Variants in SEPTIN8 observed in about 807,000 individuals in gnomAD.
SEPTIN8 encodes the protein septin-8.
Under a neutral mutation model 53.1 loss-of-function variants are expected in SEPTIN8, and 22 were observed. The ratio of observed to expected loss-of-function variants is 0.41; its 90% CI spans 0.30 to 0.59. SEPTIN8 has a LOEUF of 0.59. Among genes scored for constraint, SEPTIN8 ranks in the 20% least tolerant of loss-of-function variants. The pLI is 0.24. For missense variants in SEPTIN8, 536 were observed against 638.7 expected (o/e 0.84, Z 1.73); for synonymous variants, 228 against 248.4 (o/e 0.92, Z 0.77).
chr5:132,764,048 A>T (rs1390965884), intron 3 of SEPTIN8, 156 bp from the exon 4 acceptor site: 11 of 952,502 alleles, frequency 1.2e-5, no homozygotes, highest in African/African-American at 1.7e-5. Context: ...CAGGCAGCTG[A>T]CCCCTTCTCC....
chr5:132,770,449 G>A (rs557495044), intron 1 of SEPTIN8, among the ~76,000 whole-genome samples: 2 of 152,064 alleles, frequency 1.3e-5, no homozygotes, highest in African/African-American at 4.8e-5. Context: ...CAAAGTGCTG[G>A]GATTACAGGT....
At chr5:132,774,547 C>A (rs1183024945) in intron 1 of SEPTIN8, among the ~76,000 whole-genome samples, 1 of 152,204 alleles carries the variant, frequency 6.6e-6, no homozygotes, top group African/African-American at 2.4e-5. Flanking sequence ...GGATGCCAAC[C>A]CTTACCCCAA....
intron 1 of SEPTIN8, among the ~76,000 whole-genome samples, chr5:132,767,031 C>T (rs1195181867): frequency 3.3e-5 from 5 of 152,144 alleles, no homozygotes; most frequent in Admixed American, 6.5e-5. Context: ...GTTGTACCAT[C>T]CCCTCAAACA....
At chr5:132,778,407 T>C (rs1402247463), upstream of SEPTIN8, among the ~76,000 whole-genome samples, 3 of 152,228 alleles carry the variant, frequency 2.0e-5, no homozygotes, top group Non-Finnish European at 4.4e-5. Context: ...CCCTCTCTGC[T>C]GTTTGACCTT....
Position 132,760,651 on chromosome 5 carries a change from G to T in SEPTIN8, c.1286+151C>A, listed in dbSNP as rs1427878627. On this transcript the variant is annotated intron_variant, in intron 9 of 9. Transcript: ENST00000378719. The surrounding 1 kb of genome is among the most constrained non-coding windows in gnomAD (Gnocchi z 5.2). ...AAAGAAAAAGGCAACCAAGAAAGCT[G>T]GGGGGAGAGCCACTGAAGATGAGGG... The T allele has an allele frequency of 4.1e-6, 3 of 727,442 alleles. No homozygotes were observed. The highest frequency in any genetic ancestry group is 1.8e-5 in the African/African-American group (1 of 56,412). 45.1% of individuals were successfully genotyped at this position (727,442 alleles called of 1,614,324 possible).
chr5:132,761,215 T>G lies in SEPTIN8; in HGVS notation c.1013A>C (p.Gln338Pro). The change falls in exon 8 of 10, where the codon CAG (glutamine) becomes CCG (proline). Residue 338 changes from glutamine to proline, a missense_variant. Around this residue, in one of 3 missense-constraint regions of SEPTIN8, gnomAD observed 395 missense variants for 451.8 expected, o/e 0.87. Transcript: ENST00000378719. This position sits in a 1 kb window ranked among gnomAD's most constrained non-coding sequence, Gnocchi z 5.8. ...CTGCCTCATCTCTTCCTCCTTCCTC[T>G]GCAGCTCACTTAGGAACTCCTTCCT... ...AKRKEFLSEL[Q>P]RKEEEMRQMF... 1.2e-6 allele frequency: 2 copies of G among 1,614,208 alleles called. No homozygotes were observed. Among genetic ancestry groups the G allele is most frequent in the Non-Finnish European group, 1.7e-6 (2 of 1,180,046 alleles).
rs189669329 is a variant in SEPTIN8 at position 132,768,221 on chromosome 5, G to A, written c.31-2692C>T. Among the ~76,000 whole-genome samples the A allele has an allele frequency of 7.5e-4, 114 of 152,160 alleles. 1 individual carries two copies. Among genetic ancestry groups the A allele is most frequent in the Middle Eastern group, 3.4e-3 (1 of 294 alleles). ...GTCATCATCCCTAAGTTGTTACCCA[G>A]GCTACACTCTGTTATCGCAGGGGCC... On this transcript the variant is annotated intron_variant, in intron 1 of 9. Transcript: ENST00000378719.
At chr5:132,772,911 G>A (rs1413526642) in intron 1 of SEPTIN8, among the ~76,000 whole-genome samples, 1 of 152,152 alleles carries the variant, frequency 6.6e-6, no homozygotes, top group Non-Finnish European at 1.5e-5. Flanking sequence ...CCACCTGCCA[G>A]CAGACATGGG....
chr5:132,769,311 T>C (rs944726837), intron 1 of SEPTIN8, among the ~76,000 whole-genome samples: 2 of 152,228 alleles, frequency 1.3e-5, no homozygotes, highest in African/African-American at 4.8e-5. Flanking sequence ...TTGCCTCCCC[T>C]GTTCTTAGCA....
intron 2 of SEPTIN8, 95 bp from the exon 3 acceptor site, chr5:132,764,514 C>G: frequency 9.9e-7 from 1 of 1,014,408 alleles, no homozygotes; most frequent in Non-Finnish European, 1.4e-6. Flanking sequence ...GCTCAGGCAT[C>G]CATGGCCCCT....
At position 132,762,519 on chromosome 5, in the gene SEPTIN8, C is replaced by T. The variant is rs755410905; in HGVS notation, c.661G>A (p.Asp221Asn). 6.2e-7 allele frequency: 1 copy of T among 1,614,268 alleles called. No individual in the cohort carries two copies. The change falls in exon 5 of 10, where the codon GAT becomes AAT. Residue 221 changes from aspartate (D) to asparagine (N), a missense_variant. Around this residue, in one of 3 missense-constraint regions of SEPTIN8, gnomAD observed 395 missense variants for 451.8 expected, o/e 0.87. Coordinates refer to ENST00000378719, the MANE Select transcript of SEPTIN8 (RefSeq NM_001098811.2). ...GVQIYQFPTD[D>N]EAVAEINAVM... ...GCGTTAATCTCTGCAACAGCCTCAT[C>T]ATCCGTGGGGAACTGGTAGATCTGG...
upstream of SEPTIN8, among the ~76,000 whole-genome samples, chr5:132,779,806 A>G (rs1758014803): frequency 6.6e-6 from 1 of 152,192 alleles, no homozygotes; most frequent in Non-Finnish European, 1.5e-5. Flanking sequence ...GTGTATGCCA[A>G]ACCAGTTGTT....
Position 132,752,159 on chromosome 5 carries a change from G to A in SEPTIN8, c.1309C>T (p.Gln437Ter). ...KKNRSDIGAH[Q>*]PGMSLSSSKV... ...GAGCTGGAGAGGCTCATGCCCGGCT[G>A]GTGTGCTCCTATATCTGATCTGCTA... is the stretch of plus-strand genomic sequence containing the variant. Residue 437 changes from glutamine to a stop codon, truncating the protein, a stop_gained, in exon 10 of 10, where the codon CAG (glutamine) becomes TAG (stop). Transcript: ENST00000378719. LOFTEE classifies it high-confidence loss of function. 1.3e-6 allele frequency: 2 copies of A among 1,590,520 alleles called. No individual in the cohort carries two copies. The highest frequency in any genetic ancestry group is 8.6e-7 in the Non-Finnish European group (1 of 1,167,376).
chr5:132,778,377 C>T (rs966454151), upstream of SEPTIN8, among the ~76,000 whole-genome samples: 8 of 152,142 alleles, frequency 5.3e-5, no homozygotes, highest in East Asian at 1.3e-3. Flanking sequence ...CGACTTAGCA[C>T]ACCTGGCTTA....
chr5:132,765,626 C>T, intron 1 of SEPTIN8, 97 bp from the exon 2 acceptor site: 1 of 1,377,718 alleles, frequency 7.3e-7, no homozygotes, highest in Admixed American at 2.3e-5. Flanking sequence ...AGTGAAGCAG[C>T]CCCACCCGAT....
At position 132,761,900 on chromosome 5, in the gene SEPTIN8, G is replaced by GA; in HGVS notation, c.697-5dup. The GA allele has an allele frequency of 6.3e-7, 1 of 1,581,894 alleles. No homozygotes were observed. Among genetic ancestry groups the GA allele is most frequent in the Admixed American group, 1.8e-5 (1 of 55,360 alleles). ...CCACGGCAAAGGGCAGATGTGCCTG[G>GA]AAAGGGGCCCGGGTATGCGTAAGCC... On this transcript the variant is annotated splice_region_variant and splice_polypyrimidine_tract_variant and intron_variant, in intron 5 of 9. Coordinates refer to ENST00000378719, the MANE Select transcript of SEPTIN8 (RefSeq NM_001098811.2). The surrounding 1 kb of genome is among the most constrained non-coding windows in gnomAD (Gnocchi z 5.8).
chr5:132,757,728 C>T, intron 9 of SEPTIN8: 6 of 985,424 alleles, frequency 6.1e-6, no homozygotes, highest in Non-Finnish European at 7.2e-6. Flanking sequence ...GGCTTGTAAA[C>T]CAACAGGAGC....
intron 9 of SEPTIN8, chr5:132,758,153 G>A (rs1755517178): frequency 9.6e-7 from 1 of 1,040,300 alleles, no homozygotes; most frequent in African/African-American, 1.7e-5. Flanking sequence ...TGTCATTACA[G>A]GAAGTTTATT....
At chr5:132,774,132 G>C (rs1397255318) in intron 1 of SEPTIN8, 2 of 166,596 alleles carry the variant, frequency 1.2e-5, no homozygotes, top group African/African-American at 4.8e-5. Context: ...TGCTTCAGGA[G>C]GGACTAGGTA....
Sources: allele counts gnomAD v4.1 joint callset (sites outside exome capture counted in the v4.1 genomes callset), GRCh38; gene constraint gnomAD v4.1.1; regional missense constraint gnomAD v4.1.1; non-coding constraint Gnocchi (gnomAD v3.1); transcripts MANE v1.5; gene names NCBI Gene and HGNC (gene_info 2026-07-23, HGNC 2026-07-21).